The following KLHL29 variants were observed in gnomAD, a reference collection of about 807,000 sequenced individuals.
KLHL29 encodes the protein kelch like family member 29, also known as kelch-like protein 29.
In KLHL29, 21 loss-of-function variants were observed where a neutral mutation model predicts 80.4. The ratio of observed to expected loss-of-function variants is 0.26; its 90% CI spans 0.19 to 0.38. The LOEUF is 0.38. KLHL29 is among the 10% of genes least tolerant of loss of function. The pLI, the probability that KLHL29 is intolerant of heterozygous loss-of-function variation, is 1.00. For missense variants in KLHL29, 867 were observed against 1,223.9 expected (o/e 0.71, Z 4.35); for synonymous variants, 511 against 526.8 (o/e 0.97, Z 0.41).
intron 1 of KLHL29, among the ~76,000 whole-genome samples, chr2:23,468,337 A>G (rs949555638): frequency 6.6e-6 from 1 of 152,148 alleles, no homozygotes; most frequent in Non-Finnish European, 1.5e-5. Context: ...CCCAAAATGA[A>G]GCTCAGGTGG....
chr2:23,704,410 G>A (rs866360122), intron 13 of KLHL29, among the ~76,000 whole-genome samples: 4 of 152,208 alleles, frequency 2.6e-5, no homozygotes, highest in Non-Finnish European at 4.4e-5. Flanking sequence ...CTGTGGCAGC[G>A]AGACACCAGT....
chr2:23,421,562 G>GTGTC (rs1553321155), intron 1 of KLHL29, among the ~76,000 whole-genome samples: 60 of 141,164 alleles, frequency 4.3e-4, no homozygotes, highest in Middle Eastern at 3.7e-3. Context: ...GTGTGTGTGT[G>GTGTC]TGTCTGTAGC....
chr2:23,671,885 G>A (rs114215993), intron 5 of KLHL29: 1,633 of 152,466 alleles, frequency 0.011, 14 homozygotes, highest in Middle Eastern at 0.017. Context: ...CTCTGTGACG[G>A]GCCTGGCTGC....
At chr2:23,574,262 C>G (rs1451006554) in intron 3 of KLHL29, among the ~76,000 whole-genome samples, 2 of 152,056 alleles carry the variant, frequency 1.3e-5, no homozygotes, top group Non-Finnish European at 2.9e-5. Context: ...AGGAGAGACC[C>G]TATTTGAGGG....
intron 2 of KLHL29, among the ~76,000 whole-genome samples, chr2:23,518,683 G>A (rs550369458): frequency 2.6e-5 from 4 of 152,136 alleles, no homozygotes; most frequent in Non-Finnish European, 4.4e-5. Flanking sequence ...AGCAAGCACC[G>A]CATGTGCTTG....
intron 1 of KLHL29, among the ~76,000 whole-genome samples, chr2:23,431,727 A>G (rs1457039360): frequency 6.6e-6 from 1 of 152,090 alleles, no homozygotes; most frequent in African/African-American, 2.4e-5. Flanking sequence ...CCCCGTCTCT[A>G]CTAAAAGTAC....
At chr2:23,410,194 C>T (rs1351060936) in intron 1 of KLHL29, among the ~76,000 whole-genome samples, 1 of 152,156 alleles carries the variant, frequency 6.6e-6, no homozygotes, top group East Asian at 1.9e-4. Context: ...TCTGCAAAGA[C>T]AGCCCTGGCT....
Position 23,706,475 on chromosome 2 carries a change from C to G in KLHL29, c.2445-6C>G. On this transcript the variant is annotated splice_polypyrimidine_tract_variant and splice_region_variant and intron_variant, in intron 13 of 13. Coordinates refer to ENST00000486442, the MANE Select transcript of KLHL29 (RefSeq NM_052920.2). ...GCCTAACTCTGTCCCCGCTTTCCCCCAACAGTGCTGTGGTGCTTGATGGCA... is the reference window on the plus strand; with the variant it reads ...GCCTAACTCTGTCCCCGCTTTCCCCGAACAGTGCTGTGGTGCTTGATGGCA... The G allele has an allele frequency of 1.3e-6, 2 of 1,490,438 alleles. No individual in the cohort carries two copies. Among genetic ancestry groups the G allele is most frequent in the Admixed American group, 2.2e-5 (1 of 44,576 alleles). The allele number at this position is 1,490,438 out of a possible 1,614,324, so 92.3% of individuals were successfully genotyped here.
At chr2:23,549,172 C>T (rs1667059385) in intron 2 of KLHL29, among the ~76,000 whole-genome samples, 1 of 152,198 alleles carries the variant, frequency 6.6e-6, no homozygotes, top group African/African-American at 2.4e-5. Flanking sequence ...AGGGGAGGAC[C>T]CCAGCGGGGT....
chr2:23,600,575 G>A (rs1293893050), intron 3 of KLHL29, among the ~76,000 whole-genome samples: 1 of 152,202 alleles, frequency 6.6e-6, no homozygotes, highest in Non-Finnish European at 1.5e-5. Flanking sequence ...TCCTGCAAAG[G>A]GGGCGTTGTT....
chr2:23,512,586 C>T (rs1665806506), intron 2 of KLHL29, among the ~76,000 whole-genome samples: 1 of 152,112 alleles, frequency 6.6e-6, no homozygotes. Context: ...TGGCTTTTTC[C>T]ACCCAAATGA....
At chr2:23,390,584 A>C (rs1198735353) in intron 1 of KLHL29, among the ~76,000 whole-genome samples, 2 of 152,030 alleles carry the variant, frequency 1.3e-5, no homozygotes, top group Non-Finnish European at 2.9e-5. Context: ...TTATATATAC[A>C]CAAATATATG....
chr2:23,583,759 C>T (rs1359910962), intron 3 of KLHL29, among the ~76,000 whole-genome samples: 2 of 152,232 alleles, frequency 1.3e-5, no homozygotes, highest in South Asian at 2.1e-4. Context: ...TGATCAGACT[C>T]AGAGAGCATC....
chr2:23,590,052 G>A (rs932005420), intron 3 of KLHL29, among the ~76,000 whole-genome samples: 1 of 152,244 alleles, frequency 6.6e-6, no homozygotes, highest in African/African-American at 2.4e-5. Flanking sequence ...TGTGCTGGAA[G>A]GCCCAGTGTT....
At chr2:23,676,188 T>G (rs935096180) in intron 5 of KLHL29, among the ~76,000 whole-genome samples, 5 of 148,056 alleles carry the variant, frequency 3.4e-5, no homozygotes, top group African/African-American at 7.6e-5. Context: ...GGGTTTTTTG[T>G]TTTTTTTTTT....
intron 2 of KLHL29, among the ~76,000 whole-genome samples, chr2:23,480,385 G>A (rs527466081): frequency 1.6e-4 from 25 of 152,308 alleles, no homozygotes; most frequent in African/African-American, 5.8e-4. Context: ...TACTCGGGAG[G>A]CTGAGGCAGG....
At chr2:23,498,463 C>G (rs1255313253) in intron 2 of KLHL29, among the ~76,000 whole-genome samples, 1 of 152,204 alleles carries the variant, frequency 6.6e-6, no homozygotes. Flanking sequence ...GGGCCTCGCC[C>G]TGCCCTCCCT....
intron 13 of KLHL29, among the ~76,000 whole-genome samples, chr2:23,705,138 A>C (rs1345588147): frequency 1.3e-5 from 2 of 152,236 alleles, no homozygotes; most frequent in Admixed American, 1.3e-4. Flanking sequence ...CCACTGATGC[A>C]GACAACTGGA....
chr2:23,527,027 T>C (rs929556606), intron 2 of KLHL29, among the ~76,000 whole-genome samples: 2 of 152,052 alleles, frequency 1.3e-5, no homozygotes, highest in Non-Finnish European at 2.9e-5. Context: ...TTGGTGGACA[T>C]GTGTTGTGTC....
Sources: gnomAD v4.1 joint callset for allele counts (sites outside exome capture counted in the v4.1 genomes callset) on GRCh38, gnomAD v4.1.1 for gene constraint, MANE v1.5 for transcripts, NCBI Gene and HGNC (gene_info 2026-07-23, HGNC 2026-07-21) for gene names.